Variants in LTV1 observed in about 807,000 individuals in gnomAD.
LTV1 encodes the protein protein LTV1 homolog.
In LTV1, 39 loss-of-function variants were observed where a neutral mutation model predicts 59.9. The ratio of observed to expected loss-of-function variants is 0.65; its 90% confidence interval spans 0.50 to 0.85. The LOEUF is 0.85. Ranked by LOEUF, LTV1 falls within the 40% of genes least tolerant of loss-of-function variation. The probability of loss-of-function intolerance (pLI) is 0.00; values close to 1 mark genes in which losing one functional copy is unlikely to be tolerated. For synonymous variants in LTV1, 171 were observed against 189.5 expected (o/e 0.90, Z 0.80); for missense variants, 493 against 549.1 (o/e 0.90, Z 1.02).
intron 2 of LTV1, 58 bp downstream of exon 2, chr6:143,844,675 T>G: frequency 2.0e-6 from 3 of 1,518,108 alleles, no homozygotes; most frequent in South Asian, 2.5e-5. Context: ...TTTTTTTCTT[T>G]TTTTTTTTTT....
intron 7 of LTV1, among the ~76,000 whole-genome samples, chr6:143,861,686 A>G (rs867604620): frequency 1.2e-4 from 19 of 152,300 alleles, no homozygotes; most frequent in Admixed American, 5.2e-4. Flanking sequence ...TCTGAGAGAA[A>G]CTGATGAAGT....
chr6:143,850,193 G>A lies in LTV1; in HGVS notation c.372G>A (p.Leu124=). The A allele has an allele frequency of 3.1e-6, 5 of 1,613,332 alleles. No homozygotes were observed. Among genetic ancestry groups the A allele is most frequent in the African/African-American group, 1.3e-5 (1 of 75,016 alleles). ...CAGAGTTTGAGGAAGATGTTGGATT[G>A]TTAAATAAAGCAGCTCCAGTTTCAG... ...FASEFEEDVG[L]LNKAAPVSGP... is the part of the protein sequence containing the mutation. Residue 124 remains leucine, a synonymous_variant, in exon 4 of 11, where the codon TTG becomes TTA. Coordinates refer to ENST00000367576, the MANE Select transcript of LTV1 (RefSeq NM_032860.5).
chr6:143,857,969 A>C lies in LTV1; in HGVS notation c.757A>C (p.Asn253His), dbSNP rs759833859. 2.0e-5 allele frequency: 33 copies of C among 1,614,030 alleles called. No homozygotes were observed. The highest frequency in any genetic ancestry group is 1.7e-4 in the Admixed American group (10 of 59,998). ...GATGACTTCCTCAGTCATGAGGAGA[A>C]ATGAACAGCTGACCCTACATGATGA... ...YSMTSSVMRR[N>H]EQLTLHDERF... The change falls in exon 6 of 11, where the codon AAT becomes CAT. Residue 253 changes from asparagine (N) to histidine (H), a missense_variant. Transcript: ENST00000367576. This position sits in a 1 kb window ranked among gnomAD's most constrained non-coding sequence, Gnocchi z 5.2.
intron 4 of LTV1, among the ~76,000 whole-genome samples, chr6:143,854,180 G>A (rs1369464898): frequency 2.0e-5 from 3 of 152,124 alleles, no homozygotes; most frequent in African/African-American, 7.2e-5. Flanking sequence ...AGCCTTGGGA[G>A]GGTGTATGTG....
intron 2 of LTV1, among the ~76,000 whole-genome samples, chr6:143,845,733 G>C (rs1776879738): frequency 6.6e-6 from 1 of 152,198 alleles, no homozygotes. Context: ...TTGTATGTTT[G>C]TTTCTTGACT....
intron 3 of LTV1, among the ~76,000 whole-genome samples, chr6:143,849,091 A>G (rs2128491120): frequency 6.6e-6 from 1 of 152,310 alleles, no homozygotes; most frequent in African/African-American, 2.4e-5. Flanking sequence ...GTCACATGAA[A>G]AACTATTAAA....
intron 3 of LTV1, among the ~76,000 whole-genome samples, chr6:143,847,473 T>G (rs1776912924): frequency 6.6e-6 from 1 of 152,226 alleles, no homozygotes; most frequent in African/African-American, 2.4e-5. Flanking sequence ...GCGATTCTCC[T>G]GCCTCAGCCT....
chr6:143,850,319 A>T (rs1228370032), intron 4 of LTV1, 101 bp downstream of exon 4: 9 of 804,698 alleles, frequency 1.1e-5, no homozygotes, highest in Non-Finnish European at 1.8e-5. Flanking sequence ...TATTGAAACA[A>T]TTGAGATATG....
In LTV1 at chr6:143,846,300, A is replaced by G. The variant is rs144588238; in HGVS notation, c.309+76A>G. ...TTGAATCAAGATATCTGTTTGGGGC[A>G]AGAAATGGTGTCCGTATGAAGAGCA... On this transcript the variant is annotated intron_variant, in intron 3 of 10. Transcript: ENST00000367576. 2.7e-5 allele frequency: 38 copies of G among 1,391,090 alleles called. No homozygotes were observed. In the East Asian group the frequency reaches 8.7e-4, roughly 32 times the overall value. The allele number at this position is 1,391,090 out of a possible 1,614,324, so 86.2% of individuals were successfully genotyped here.
At chr6:143,851,614 T>C (rs1776984466) in intron 4 of LTV1, among the ~76,000 whole-genome samples, 1 of 152,078 alleles carries the variant, frequency 6.6e-6, no homozygotes, top group African/African-American at 2.4e-5. Context: ...CTGGGATATA[T>C]ATGCAGAATG....
In LTV1 at chr6:143,862,445, G is replaced by C. The variant is rs1777180306; in HGVS notation, c.1063+202G>C. On this transcript the variant is annotated intron_variant, in intron 8 of 10. Coordinates refer to ENST00000367576, the MANE Select transcript of LTV1 (RefSeq NM_032860.5). The surrounding 1 kb of genome is among the most constrained non-coding windows in gnomAD (Gnocchi z 4.2). ...ACTAAAAAATACAAAAATTAGCCAG[G>C]TATGGTGGCAGGCAACTGTAATCCC... Among the ~76,000 whole-genome samples the C allele has an allele frequency of 6.6e-6, 1 of 152,018 alleles. No homozygotes were observed. Among genetic ancestry groups the C allele is most frequent in the South Asian group, 2.1e-4 (1 of 4,824 alleles).
chr6:143,853,231 T>C (rs1777016282), intron 4 of LTV1, among the ~76,000 whole-genome samples: 1 of 152,200 alleles, frequency 6.6e-6, no homozygotes, highest in Admixed American at 6.5e-5. Context: ...TTGTAGCAAT[T>C]GTGAATGGGA....
intron 2 of LTV1, among the ~76,000 whole-genome samples, chr6:143,844,978 G>T (rs1037261379): frequency 2.0e-5 from 3 of 152,170 alleles, no homozygotes; most frequent in Admixed American, 1.3e-4. Flanking sequence ...AGCAAATCTT[G>T]TAGAATAATG....
At position 143,846,328 on chromosome 6, in the gene LTV1, AAGAT is replaced by A. The variant is rs1376096841; in HGVS notation, c.309+108_309+111del. On this transcript the variant is annotated intron_variant, in intron 3 of 10. Transcript: ENST00000367576. ...AAATGGTGTCCGTATGAAGAGCACA[AAGAT>A]AGACCACGCCTCCACTTAAAATTAT... 13 of 1,051,136 alleles carry A rather than the reference AAGAT, an allele frequency of 1.2e-5. No individual in the cohort carries two copies. The African/African-American group carries it at 1.6e-4, about 13-fold the overall frequency. The allele number at this position is 1,051,136 out of a possible 1,614,324, so 65.1% of individuals were successfully genotyped here. A position where few individuals can be genotyped will look rare whatever the true frequency, so the allele number is the denominator to read the frequency against.
chr6:143,860,357 A>C, intron 6 of LTV1, 69 bp from the exon 7 acceptor site: 1 of 1,435,084 alleles, frequency 7.0e-7, no homozygotes, highest in Non-Finnish European at 9.5e-7. Flanking sequence ...ATGTAAAAAA[A>C]TTTTTAAGTG....
chr6:143,859,970 G>T (rs1005067628), intron 6 of LTV1, among the ~76,000 whole-genome samples: 4 of 152,238 alleles, frequency 2.6e-5, no homozygotes, highest in Non-Finnish European at 5.9e-5. Context: ...TGGTATGGTG[G>T]CATGTGCCTG....
rs1024377583 is a variant in LTV1 at position 143,857,675 on chromosome 6, A to G, written c.540-77A>G. On this transcript the variant is annotated intron_variant, in intron 5 of 10. Transcript: ENST00000367576. This position sits in a 1 kb window ranked among gnomAD's most constrained non-coding sequence, Gnocchi z 5.2. ...AGAACCCTTCCTGAAATACCTTCCA[A>G]TTTTACTTGTGTAAAGTGGTTTTGT... The G allele has an allele frequency of 8.1e-5, 122 of 1,514,960 alleles. No homozygotes were observed. The Admixed American group carries it at 1.6e-3, about 20-fold the overall frequency. The allele number at this position is 1,514,960 out of a possible 1,614,324, so 93.8% of individuals were successfully genotyped here.
chr6:143,850,381 T>G (rs1238831418), intron 4 of LTV1, among the ~76,000 whole-genome samples, 163 bp downstream of exon 4: 1 of 152,218 alleles, frequency 6.6e-6, no homozygotes, highest in African/African-American at 2.4e-5. Flanking sequence ...GATCTTTGTA[T>G]TTTTGTATTC....
At chr6:143,848,900 A>T (rs957118214) in intron 3 of LTV1, among the ~76,000 whole-genome samples, 3 of 152,198 alleles carry the variant, frequency 2.0e-5, no homozygotes, top group African/African-American at 7.2e-5. Flanking sequence ...TGTCAGGCAC[A>T]TGCGCGCCAA....
Sources: allele counts gnomAD v4.1 joint callset (sites outside exome capture counted in the v4.1 genomes callset), GRCh38; gene constraint gnomAD v4.1.1; non-coding constraint Gnocchi (gnomAD v3.1); transcripts MANE v1.5; gene names NCBI Gene and HGNC (gene_info 2026-07-23, HGNC 2026-07-21).